Variants in ROR1 observed in about 807,000 individuals in gnomAD.
ROR1 encodes the protein inactive tyrosine-protein kinase transmembrane receptor ROR1.
Under a neutral mutation model 78.8 loss-of-function variants are expected in ROR1, and 19 were observed. That is an observed-to-expected ratio of 0.24 (90% CI 0.17 to 0.35). ROR1 has a LOEUF of 0.35. Among genes scored for constraint, ROR1 ranks in the 10% least tolerant of loss-of-function variants. The pLI is 1.00. For synonymous variants in ROR1, 386 were observed against 433.6 expected, an observed-to-expected ratio of 0.89 and a Z score of 1.36; for missense variants, 917 against 1,177.8, an observed-to-expected ratio of 0.78 and a Z score of 3.24.
At chr1:64,114,487 A>G (rs941762012) in intron 4 of ROR1, among the ~76,000 whole-genome samples, 3 of 152,156 alleles carry the variant, frequency 2.0e-5, no homozygotes, top group Non-Finnish European at 4.4e-5. Flanking sequence ...GCTTCCTGAT[A>G]CAGGTAGTAC....
At chr1:64,065,805 A>T (rs1486173180) in intron 4 of ROR1, among the ~76,000 whole-genome samples, 2 of 152,116 alleles carry the variant, frequency 1.3e-5, no homozygotes, top group Non-Finnish European at 2.9e-5. Context: ...CAACTTGAAG[A>T]CTCATAGTTT....
chr1:63,794,480 C>T (rs1292728429), intron 1 of ROR1, among the ~76,000 whole-genome samples: 2 of 152,192 alleles, frequency 1.3e-5, no homozygotes, highest in African/African-American at 2.4e-5. Context: ...CACTAGGCCA[C>T]GAAGGAACCA....
intron 1 of ROR1, among the ~76,000 whole-genome samples, chr1:63,871,314 C>G (rs1645250121): frequency 6.6e-6 from 1 of 152,114 alleles, no homozygotes; most frequent in Admixed American, 6.6e-5. Context: ...CAGAAGGGGT[C>G]CTTTGTGTTG....
rs558999382 is a variant in ROR1 at position 63,837,023 on chromosome 1, CAAAGCAGCAGGGGGCT to C, written c.91+62518_91+62533del. On this transcript the variant is annotated intron_variant, in intron 1 of 8. Coordinates refer to ENST00000371079, the MANE Select transcript of ROR1 (RefSeq NM_005012.4). ...CAGGGGAGGCTGAGCTTAACTTGGC[CAAAGCAGCAGGGGGCT>C]AATAGAATGTTTCTGTTCCCCATAA... Among the ~76,000 whole-genome samples, 577 of 152,142 alleles carry C rather than the reference CAAAGCAGCAGGGGGCT, an allele frequency of 3.8e-3. 2 individuals are homozygous for C. The highest frequency in any genetic ancestry group is 4.7e-3 in the Non-Finnish European group (318 of 68,010).
At chr1:63,890,836 C>T (rs1645389230) in intron 1 of ROR1, among the ~76,000 whole-genome samples, 1 of 152,134 alleles carries the variant, frequency 6.6e-6, no homozygotes, top group South Asian at 2.1e-4. Context: ...GAATGTTTTT[C>T]TAGGACTGTT....
At chr1:63,882,986 T>A (rs748107886) in intron 1 of ROR1, among the ~76,000 whole-genome samples, 5 of 151,972 alleles carry the variant, frequency 3.3e-5, no homozygotes, top group Non-Finnish European at 7.4e-5. Flanking sequence ...GCTTATGTTG[T>A]ATGGAGTGAT....
At chr1:63,804,699 T>G (rs1043535325) in intron 1 of ROR1, among the ~76,000 whole-genome samples, 1 of 152,302 alleles carries the variant, frequency 6.6e-6, no homozygotes, top group South Asian at 2.1e-4. Flanking sequence ...TAGGTATACA[T>G]GTGCAGGGCT....
At chr1:63,986,883 C>A (rs1438807520) in intron 1 of ROR1, among the ~76,000 whole-genome samples, 5 of 150,748 alleles carry the variant, frequency 3.3e-5, no homozygotes, top group African/African-American at 4.9e-5. Context: ...CAGAGTGAGA[C>A]CCTGTCTCAA....
chr1:64,011,707 C>A (rs1646475822), intron 2 of ROR1, among the ~76,000 whole-genome samples: 1 of 152,178 alleles, frequency 6.6e-6, no homozygotes, highest in Non-Finnish European at 1.5e-5. Flanking sequence ...GGATGGCTTT[C>A]TGGAGGTACG....
At chr1:63,915,788 C>T (rs530636681) in intron 1 of ROR1, among the ~76,000 whole-genome samples, 12 of 151,896 alleles carry the variant, frequency 7.9e-5, no homozygotes, top group Admixed American at 5.9e-4. Flanking sequence ...CATGTGAAGC[C>T]GGGGGGGTGT....
At position 63,919,858 on chromosome 1, in the gene ROR1, C is replaced by T. The variant is rs188480720; in HGVS notation, c.92-89447C>T. Among the ~76,000 whole-genome samples the T allele has an allele frequency of 4.6e-5, 7 of 152,260 alleles. No homozygotes were observed. In the East Asian group the frequency reaches 7.7e-4, roughly 17 times the overall value. ...CTTAAAGCTTCGTCTCAGAATATGC[C>T]TTCTTATGATCTGATAGTAATAGGA... is the stretch of plus-strand genomic sequence containing the variant. On this transcript the variant is annotated intron_variant, in intron 1 of 8. Coordinates refer to ENST00000371079, the MANE Select transcript of ROR1 (RefSeq NM_005012.4).
chr1:64,110,993 A>C (rs1025204183), intron 4 of ROR1: 1 of 151,986 alleles, frequency 6.6e-6, no homozygotes, highest in Admixed American at 6.6e-5. Context: ...GGGAGAAGGA[A>C]GAAAAAAAAA....
chr1:63,794,034 G>A (rs1368483824), intron 1 of ROR1, among the ~76,000 whole-genome samples: 3 of 152,190 alleles, frequency 2.0e-5, no homozygotes, highest in South Asian at 4.1e-4. Flanking sequence ...GGTTGCTGGG[G>A]AACCAGGAAG....
At chr1:63,962,052 G>C (rs539715194) in intron 1 of ROR1, among the ~76,000 whole-genome samples, 4 of 152,164 alleles carry the variant, frequency 2.6e-5, no homozygotes, top group African/African-American at 9.7e-5. Flanking sequence ...TTGAGCCCAG[G>C]AGTTCAAGAC....
chr1:63,887,160 A>C (rs1162726099), intron 1 of ROR1, among the ~76,000 whole-genome samples: 1 of 151,886 alleles, frequency 6.6e-6, no homozygotes, highest in Admixed American at 6.6e-5. Context: ...CGGTTGTCTG[A>C]GGGCCCCTTT....
chr1:63,781,728 A>G (rs1235497923), intron 1 of ROR1, among the ~76,000 whole-genome samples: 1 of 152,202 alleles, frequency 6.6e-6, no homozygotes, highest in Non-Finnish European at 1.5e-5. Context: ...GCGCTCAGTG[A>G]GTGTTCTGCT....
chr1:63,828,583 T>A (rs770821428), intron 1 of ROR1, among the ~76,000 whole-genome samples: 1 of 152,214 alleles, frequency 6.6e-6, no homozygotes, highest in Non-Finnish European at 1.5e-5. Context: ...ATCAACATCC[T>A]CCTGATAGGC....
intron 8 of ROR1, among the ~76,000 whole-genome samples, chr1:64,170,373 C>T (rs1015353645): frequency 5.9e-5 from 9 of 152,182 alleles, no homozygotes; most frequent in East Asian, 1.9e-4. Context: ...AGCCACAGCA[C>T]GAGCTGTACC....
chr1:63,991,752 AG>A (rs1489512212), intron 1 of ROR1, among the ~76,000 whole-genome samples: 1 of 152,224 alleles, frequency 6.6e-6, no homozygotes, highest in African/African-American at 2.4e-5. Flanking sequence ...GGTTTCTTTA[AG>A]GAGAAGAAAG....
Sources: allele counts gnomAD v4.1 joint callset (sites outside exome capture counted in the v4.1 genomes callset), GRCh38; gene constraint gnomAD v4.1.1; transcripts MANE v1.5; gene names NCBI Gene and HGNC (gene_info 2026-07-23, HGNC 2026-07-21).